ZNF292: variants seen among roughly 807,000 people sequenced by gnomAD.
The protein encoded by ZNF292 is zinc finger protein 292, also known as 16 zinc-finger domain protein.
Under a neutral mutation model 217.9 loss-of-function variants are expected in ZNF292, and 26 were observed. That is an observed-to-expected ratio of 0.12 (90% CI 0.09 to 0.17). The LOEUF is 0.17. Ranked by LOEUF, ZNF292 falls within the 10% of genes least tolerant of loss-of-function variation. The probability of loss-of-function intolerance (pLI) is 1.00; values close to 1 mark genes in which losing one functional copy is unlikely to be tolerated. For synonymous variants in ZNF292, 1,257 were observed against 1,124.1 expected, an observed-to-expected ratio of 1.12 and a Z score of -2.37; for missense variants, 2,904 against 3,175.2, an observed-to-expected ratio of 0.91 and a Z score of 2.05.
At chr6:87,176,305 A>G (rs1582383058) in intron 1 of ZNF292, among the ~76,000 whole-genome samples, 1 of 152,346 alleles carries the variant, frequency 6.6e-6, no homozygotes, top group East Asian at 1.9e-4. Context: ...TGGTGGGGAA[A>G]TGTGATTGGT....
intron 4 of ZNF292, among the ~76,000 whole-genome samples, chr6:87,224,138 C>T (rs1773225980): frequency 6.6e-6 from 1 of 152,178 alleles, no homozygotes; most frequent in Admixed American, 6.5e-5. Context: ...TTATTAACTA[C>T]AGTACAGTGC....
chr6:87,243,748 G>C, intron 6 of ZNF292, 137 bp downstream of exon 6: 1 of 825,068 alleles, frequency 1.2e-6, no homozygotes, highest in East Asian at 3.1e-5. Flanking sequence ...ATTACATGCT[G>C]TGCAAACTTA....
At chr6:87,233,580 T>C (rs143331467) in intron 5 of ZNF292, 53 bp downstream of exon 5, 6 of 1,568,528 alleles carry the variant, frequency 3.8e-6, no homozygotes, top group African/African-American at 2.7e-5. Flanking sequence ...GAAATTAATT[T>C]TTAATTAGAA....
Position 87,254,951 on chromosome 6 carries a change from C to T in ZNF292, c.1322C>T (p.Pro441Leu). 6.2e-7 allele frequency: 1 copy of T among 1,613,804 alleles called. No homozygotes were observed. The highest frequency in any genetic ancestry group is 1.7e-5 in the Admixed American group (1 of 59,986). ...TTACTTGTATTGAAAACTCAATGGC[C>T]CTTTGATCCAGAATTCTGGGATTGG... is the stretch of plus-strand genomic sequence containing the variant. ...ELLLVLKTQW[P>L]FDPEFWDWKT... is the part of the protein sequence containing the mutation. Residue 441 changes from proline (P) to leucine (L), a missense_variant, in exon 8 of 8, where the codon CCC becomes CTC. Pro to Leu is a moderately conservative substitution (Grantham distance 98). Transcript: ENST00000369577.
intron 1 of ZNF292, among the ~76,000 whole-genome samples, chr6:87,193,898 A>T (rs532379862): frequency 2.0e-5 from 3 of 152,344 alleles, no homozygotes; most frequent in African/African-American, 7.2e-5. Flanking sequence ...AGCATTTTGG[A>T]TAAAGGATAC....
chr6:87,233,675 T>A (rs1489650302), intron 5 of ZNF292, 148 bp downstream of exon 5: 1 of 1,408,428 alleles, frequency 7.1e-7, no homozygotes, highest in Non-Finnish European at 9.2e-7. Context: ...GGTGGCAACT[T>A]GATTCTAAGT....
intron 1 of ZNF292, among the ~76,000 whole-genome samples, chr6:87,194,323 TAA>T (rs1227487301): frequency 1.4e-5 from 2 of 147,858 alleles, no homozygotes; most frequent in African/African-American, 5.3e-5. Context: ...CTTTTTAATT[TAA>T]AGAGTGAAAA....
intron 1 of ZNF292, among the ~76,000 whole-genome samples, chr6:87,191,545 A>G (rs1035546976): frequency 1.3e-4 from 20 of 152,226 alleles, no homozygotes; most frequent in Non-Finnish European, 2.1e-4. Context: ...TTCAGAGAGT[A>G]TGCCTATGTA....
intron 1 of ZNF292, among the ~76,000 whole-genome samples, chr6:87,163,922 G>C (rs530619631): frequency 6.6e-6 from 1 of 152,258 alleles, no homozygotes; most frequent in African/African-American, 2.4e-5. Context: ...AAGAAGTTTT[G>C]ATTAATCTTG....
At chr6:87,171,217 T>A (rs1270842828) in intron 1 of ZNF292, among the ~76,000 whole-genome samples, 1 of 152,134 alleles carries the variant, frequency 6.6e-6, no homozygotes, top group African/African-American at 2.4e-5. Context: ...GCCAGGAGAT[T>A]AGTGGCTTTA....
At position 87,256,580 on chromosome 6, in the gene ZNF292, C is replaced by T; in HGVS notation, c.2951C>T (p.Pro984Leu). The change falls in exon 8 of 8, where the codon CCA (proline) becomes CTA (leucine). Residue 984 changes from proline to leucine, a missense_variant. Physicochemically the swap from Pro to Leu is moderately conservative, Grantham distance 98 (BLOSUM62 -3). Transcript: ENST00000369577. ...VEDTCNDLCH[P>L]GFQERKEQDC... The stretch of plus-strand genomic sequence containing the variant: ...GATACTTGTAATGATTTGTGTCATC[C>T]AGGTTTCCAGGAGAGAAAAGAACAA... 6.2e-7 allele frequency: 1 copy of T among 1,613,574 alleles called. No homozygotes were observed. The highest frequency in any genetic ancestry group is 8.5e-7 in the Non-Finnish European group (1 of 1,179,802).
intron 4 of ZNF292, among the ~76,000 whole-genome samples, chr6:87,224,998 T>C (rs908127151): frequency 1.3e-5 from 2 of 152,216 alleles, no homozygotes; most frequent in South Asian, 2.1e-4. Context: ...AATAATTCCT[T>C]TTGCCCCATA....
chr6:87,216,408 G>T (rs2127803149), intron 3 of ZNF292, 31 bp downstream of exon 3: 1 of 1,464,198 alleles, frequency 6.8e-7, no homozygotes, highest in South Asian at 1.3e-5. Context: ...ATTTAATACA[G>T]GTATATCTTA....
At chr6:87,252,931 A>G (rs888818723) in intron 7 of ZNF292, among the ~76,000 whole-genome samples, 9 of 151,766 alleles carry the variant, frequency 5.9e-5, no homozygotes, top group Non-Finnish European at 1.0e-4. Context: ...TTTAAGAGAC[A>G]GGGTCTTGCT....
chr6:87,258,878 A>T lies in ZNF292; in HGVS notation c.5249A>T (p.Asn1750Ile). ...TCTGATTTGCAGATTTCTGAAGACA[A>T]TGTTATACAAAACTTTGAAAAGACT... ...INSDLQISED[N>I]VIQNFEKTLE... is the part of the protein sequence containing the mutation. Residue 1750 changes from asparagine (N) to isoleucine (I), a missense_variant, in exon 8 of 8, where the codon AAT becomes ATT. Coordinates refer to ENST00000369577, the MANE Select transcript of ZNF292 (RefSeq NM_015021.3). 2 of 1,607,814 alleles carry T rather than the reference A, an allele frequency of 1.2e-6. No homozygotes were observed. Among genetic ancestry groups the T allele is most frequent in the Non-Finnish European group, 1.7e-6 (2 of 1,176,492 alleles).
intron 5 of ZNF292, 99 bp downstream of exon 5, chr6:87,233,626 G>A: frequency 6.7e-7 from 1 of 1,493,022 alleles, no homozygotes; most frequent in Non-Finnish European, 8.9e-7. Context: ...ATAGCGAAGA[G>A]ATCATTGTCA....
At chr6:87,162,423 C>G (rs571211607) in intron 1 of ZNF292, among the ~76,000 whole-genome samples, 19 of 152,090 alleles carry the variant, frequency 1.2e-4, no homozygotes, top group African/African-American at 4.3e-4. Context: ...TTCTTTTTGA[C>G]TATTAGAGGC....
chr6:87,176,044 A>T (rs1186586500), intron 1 of ZNF292, among the ~76,000 whole-genome samples: 1 of 152,208 alleles, frequency 6.6e-6, no homozygotes, highest in Non-Finnish European at 1.5e-5. Context: ...AGAGGACTAG[A>T]TCCAAAAGTT....
chr6:87,233,224 G>A (rs1398950347), intron 4 of ZNF292, 101 bp from the exon 5 acceptor site: 2 of 846,828 alleles, frequency 2.4e-6, no homozygotes, highest in East Asian at 5.5e-5. Context: ...TTGAAAAAAA[G>A]CATTTTAGTT....
Sources: gnomAD v4.1 joint callset for allele counts (sites outside exome capture counted in the v4.1 genomes callset) on GRCh38, gnomAD v4.1.1 for gene constraint, MANE v1.5 for transcripts, NCBI Gene and HGNC (gene_info 2026-07-23, HGNC 2026-07-21) for gene names.